Variants in RBFOX1 observed in about 807,000 individuals in gnomAD.
RBFOX1 encodes the protein RNA binding protein fox-1 homolog 1.
Under a neutral mutation model 57.7 loss-of-function variants are expected in RBFOX1, and 8 were observed. The ratio of observed to expected loss-of-function variants is 0.14; its 90% CI spans 0.08 to 0.25. The LOEUF is 0.25. Ranked by LOEUF, RBFOX1 falls within the 10% of genes least tolerant of loss-of-function variation. RBFOX1 has a pLI of 1.00. For missense variants in RBFOX1, 611 were observed against 548.5 expected, an observed-to-expected ratio of 1.11 and a Z score of -1.14; for synonymous variants, 326 against 222.4, an observed-to-expected ratio of 1.47 and a Z score of -4.15.
intron 3 of RBFOX1, among the ~76,000 whole-genome samples, chr16:6,889,726 T>G (rs2064975114): frequency 6.6e-6 from 1 of 152,162 alleles, no homozygotes; most frequent in Non-Finnish European, 1.5e-5. Flanking sequence ...TTGAAATTGG[T>G]TTGTGTAATC....
At chr16:5,603,753 G>A (rs2047451146), downstream of RBFOX1, among the ~76,000 whole-genome samples, 1 of 152,148 alleles carries the variant, frequency 6.6e-6, no homozygotes, top group Non-Finnish European at 1.5e-5. Context: ...AGTCATCTGT[G>A]ATCATGTGGC....
At chr16:6,853,362 C>G (rs74007113) in intron 3 of RBFOX1, among the ~76,000 whole-genome samples, 12,996 of 152,010 alleles carry the variant, frequency 0.085, 608 homozygotes, top group South Asian at 0.12. Flanking sequence ...TGTAGCATAC[C>G]CTAAGGGTTG....
intron 1 of RBFOX1, among the ~76,000 whole-genome samples, chr16:6,081,884 C>A (rs1306276300): frequency 1.3e-5 from 2 of 152,100 alleles, no homozygotes. Context: ...GAGTTAAGTC[C>A]ATTTGAACAA....
intron 1 of RBFOX1, among the ~76,000 whole-genome samples, chr16:6,222,334 A>G (rs2097379876): frequency 6.6e-6 from 1 of 152,124 alleles, no homozygotes; most frequent in Non-Finnish European, 1.5e-5. Flanking sequence ...GACTAATTTA[A>G]AAAATTTCAT....
chr16:6,493,996 C>T (rs1177214667), intron 2 of RBFOX1, among the ~76,000 whole-genome samples: 1 of 152,234 alleles, frequency 6.6e-6, no homozygotes, highest in African/African-American at 2.4e-5. Flanking sequence ...AGAAGGTTGG[C>T]GATCATTCCA....
intron 2 of RBFOX1, among the ~76,000 whole-genome samples, chr16:5,587,859 A>T (rs1414429182): frequency 6.6e-6 from 1 of 152,220 alleles, no homozygotes; most frequent in East Asian, 1.9e-4. Flanking sequence ...ACTTCCATGT[A>T]TGTACCCCAC....
At chr16:6,924,169 A>AAATAATAATAATAATAATAAT (rs34239520) in intron 3 of RBFOX1, among the ~76,000 whole-genome samples, 1 of 146,670 alleles carries the variant, frequency 6.8e-6, no homozygotes, top group African/African-American at 2.5e-5. Context: ...TCTGTCTCAA[A>AAATAATAATAATAATAATAAT]AATAATAATA....
intron 1 of RBFOX1, among the ~76,000 whole-genome samples, chr16:5,321,558 G>T (rs2064408405): frequency 6.6e-6 from 1 of 152,094 alleles, no homozygotes; most frequent in South Asian, 2.1e-4. Flanking sequence ...CTGACCTCGT[G>T]ATCCGCCCAT....
chr16:6,303,447 A>G (rs541391031), intron 1 of RBFOX1, among the ~76,000 whole-genome samples: 4 of 151,986 alleles, frequency 2.6e-5, no homozygotes, highest in African/African-American at 4.8e-5. Flanking sequence ...CTTTTTCTTT[A>G]TAGAGCAATG....
intron 3 of RBFOX1, among the ~76,000 whole-genome samples, chr16:5,828,007 C>G (rs2056133043): frequency 6.8e-6 from 1 of 146,314 alleles, no homozygotes; most frequent in South Asian, 2.3e-4. Flanking sequence ...TCCATCCATC[C>G]ATCATCTATC....
intron 3 of RBFOX1, among the ~76,000 whole-genome samples, chr16:5,612,960 C>G (rs2047878124): frequency 6.6e-6 from 1 of 152,156 alleles, no homozygotes; most frequent in South Asian, 2.1e-4. Flanking sequence ...AGAAAGGACT[C>G]AATCCACAGT....
chr16:6,932,787 T>G (rs1326217810), intron 3 of RBFOX1, among the ~76,000 whole-genome samples: 1 of 152,250 alleles, frequency 6.6e-6, no homozygotes, highest in African/African-American at 2.4e-5. Context: ...TTGCACAGTT[T>G]GGAGGCATTA....
At chr16:7,376,176 T>A (rs2097682922) in intron 4 of RBFOX1, among the ~76,000 whole-genome samples, 1 of 152,228 alleles carries the variant, frequency 6.6e-6, no homozygotes, top group Non-Finnish European at 1.5e-5. Flanking sequence ...CATATATGTT[T>A]ATGAGCTATG....
chr16:5,240,711 C>T (rs549674560), intron 1 of RBFOX1, among the ~76,000 whole-genome samples: 5 of 152,344 alleles, frequency 3.3e-5, no homozygotes, highest in Admixed American at 3.3e-4. Context: ...AGGCAAAGTT[C>T]CTTGCATCCC....
At chr16:7,671,479 G>T in intron 13 of RBFOX1, 1 of 1,345,834 alleles carries the variant, frequency 7.4e-7, no homozygotes, top group Non-Finnish European at 1.1e-6. Context: ...AATTGCTCTG[G>T]AATTTGTCTG....
chr16:7,034,831 TTTTTTTTTTCTTTTTTC>T (rs2043841017), intron 3 of RBFOX1, among the ~76,000 whole-genome samples: 1 of 120,182 alleles, frequency 8.3e-6, no homozygotes, highest in East Asian at 2.6e-4. Context: ...GCATTACTTT[TTTTTTTTTTCTTTTTTC>T]TTTTTTTTTT....
chr16:5,325,288 G>A (rs1376924301), intron 1 of RBFOX1, among the ~76,000 whole-genome samples: 1 of 152,090 alleles, frequency 6.6e-6, no homozygotes, highest in South Asian at 2.1e-4. Context: ...CAGGTTTACA[G>A]GCATGGCTCT....
At chr16:5,802,426 G>T (rs2055088492) in intron 3 of RBFOX1, among the ~76,000 whole-genome samples, 1 of 152,030 alleles carries the variant, frequency 6.6e-6, no homozygotes, top group Non-Finnish European at 1.5e-5. Flanking sequence ...AGCTGCTGAG[G>T]TCCCTTGTAT....
intron 3 of RBFOX1, among the ~76,000 whole-genome samples, chr16:6,964,426 G>C (rs771970907): frequency 1.2e-4 from 19 of 152,114 alleles, no homozygotes; most frequent in Non-Finnish European, 2.5e-4. Flanking sequence ...CATCAACTGT[G>C]AACTTTAATG....
Sources: allele counts gnomAD v4.1 joint callset (sites outside exome capture counted in the v4.1 genomes callset), GRCh38; gene constraint gnomAD v4.1.1; transcripts MANE v1.5; gene names NCBI Gene and HGNC (gene_info 2026-07-23, HGNC 2026-07-21).